Variants in EPHA5 observed in about 807,000 individuals in gnomAD.
EPHA5 encodes the protein ephrin type-A receptor 5.
A neutral mutation model predicts 105.0 loss-of-function variants in EPHA5; 60 were observed. The observed-to-expected ratio is 0.57, with a 90% CI of 0.46 to 0.71. The LOEUF is 0.71. EPHA5 is among the 30% of genes least tolerant of loss of function. EPHA5 has a pLI of 0.00. For missense variants in EPHA5, 1,218 were observed against 1,274.7 expected, an observed-to-expected ratio of 0.96 and a Z score of 0.68; for synonymous variants, 513 against 449.1, an observed-to-expected ratio of 1.14 and a Z score of -1.80.
rs139438703 is a variant in EPHA5 at position 65,370,408 on chromosome 4, T to G, written c.1794-2984A>C. Reference sequence around the variant, plus strand: ...TATTCTAAATACAATTGTGTAAAATTATCCAGAGATTTATGTTATTTAAAT... The same window carrying G: ...TATTCTAAATACAATTGTGTAAAATGATCCAGAGATTTATGTTATTTAAAT... On this transcript the variant is annotated intron_variant, in intron 8 of 16. Coordinates refer to ENST00000613740, the MANE Select transcript of EPHA5 (RefSeq NM_001281766.3). Among the ~76,000 whole-genome samples, 402 of 152,292 alleles carry G rather than the reference T, an allele frequency of 2.6e-3. 3 individuals are homozygous for G. Among genetic ancestry groups the G allele is most frequent in the African/African-American group, 8.8e-3 (366 of 41,578 alleles).
At chr4:65,652,098 C>T (rs367930839) in intron 1 of EPHA5, among the ~76,000 whole-genome samples, 1 of 152,208 alleles carries the variant, frequency 6.6e-6, no homozygotes, top group African/African-American at 2.4e-5. Context: ...ATATAAGAAG[C>T]TTGAAAATCT....
At chr4:65,660,333 A>G (rs1332164912) in intron 1 of EPHA5, among the ~76,000 whole-genome samples, 2 of 152,182 alleles carry the variant, frequency 1.3e-5, no homozygotes, top group African/African-American at 4.8e-5. Context: ...GAAAATCAAG[A>G]TAATGTCATG....
intron 5 of EPHA5, among the ~76,000 whole-genome samples, chr4:65,455,431 C>A (rs1727488408): frequency 6.6e-6 from 1 of 152,044 alleles, no homozygotes; most frequent in African/African-American, 2.4e-5. Flanking sequence ...CTCTCTAGTT[C>A]TTGAGAATAC....
intron 8 of EPHA5, among the ~76,000 whole-genome samples, chr4:65,394,919 T>C (rs1366999758): frequency 6.6e-6 from 1 of 152,136 alleles, no homozygotes; most frequent in African/African-American, 2.4e-5. Context: ...CACCTACCCT[T>C]CATGAATATA....
intron 5 of EPHA5, among the ~76,000 whole-genome samples, chr4:65,464,207 A>AC: frequency 6.6e-6 from 1 of 152,004 alleles, no homozygotes; most frequent in East Asian, 1.9e-4. Flanking sequence ...ATTTGAATTG[A>AC]CCCTCAATTT....
At chr4:65,592,331 C>A (rs949991464) in intron 3 of EPHA5, among the ~76,000 whole-genome samples, 2 of 152,038 alleles carry the variant, frequency 1.3e-5, no homozygotes, top group Non-Finnish European at 2.9e-5. Context: ...AGAGCATATC[C>A]TTGGCGGCCC....
intron 3 of EPHA5, among the ~76,000 whole-genome samples, chr4:65,597,280 C>T (rs975430633): frequency 6.6e-6 from 1 of 152,146 alleles, no homozygotes. Flanking sequence ...CTTCATTCCA[C>T]TAGCAACTGA....
Position 65,331,379 on chromosome 4 carries a change from C to T in EPHA5, c.2945+594G>A, listed in dbSNP as rs115890620. ...AAGGTTTGATAAATTTTATCTTAAACGTGCAAACAGAAAAGGGCACAATTG... is the reference window on the plus strand; with the variant it reads ...AAGGTTTGATAAATTTTATCTTAAATGTGCAAACAGAAAAGGGCACAATTG... On this transcript the variant is annotated intron_variant, in intron 16 of 16. Coordinates refer to ENST00000613740, the MANE Select transcript of EPHA5 (RefSeq NM_001281766.3). 2.1e-3 allele frequency: 2,234 copies of T among 1,041,540 alleles called. 50 individuals carry two copies. The African/African-American group carries it at 0.033, about 15-fold the overall frequency. The allele number at this position is 1,041,540 out of a possible 1,614,324, so 64.5% of individuals were successfully genotyped here.
chr4:65,469,734 G>A (rs1038705003), intron 5 of EPHA5, among the ~76,000 whole-genome samples: 1 of 152,018 alleles, frequency 6.6e-6, no homozygotes, highest in East Asian at 1.9e-4. Flanking sequence ...TAAAATTTAG[G>A]ACAATTTGGC....
At chr4:65,432,606 C>T (rs1376370289) in intron 5 of EPHA5, among the ~76,000 whole-genome samples, 3 of 152,020 alleles carry the variant, frequency 2.0e-5, no homozygotes, top group East Asian at 3.9e-4. Flanking sequence ...CTTACTCTGT[C>T]ACCCAGTCTT....
At chr4:65,669,270 G>A (rs1750239317) in intron 1 of EPHA5, among the ~76,000 whole-genome samples, 2 of 151,506 alleles carry the variant, frequency 1.3e-5, no homozygotes, top group African/African-American at 4.9e-5. Context: ...ATTCCCCAAA[G>A]GAGGCCTCGA....
At chr4:65,474,330 C>G (rs1357718748) in intron 5 of EPHA5, among the ~76,000 whole-genome samples, 6 of 152,050 alleles carry the variant, frequency 3.9e-5, no homozygotes, top group Admixed American at 3.9e-4. Context: ...AAAAAATAAA[C>G]ACAAGCTCTA....
Position 65,322,989 on chromosome 4 carries a change from GCCTGCA to G in EPHA5, c.*1119_*1124del. On this transcript the variant is annotated 3_prime_UTR_variant, in exon 17 of 17. Transcript: ENST00000613740. The stretch of plus-strand genomic sequence containing the variant: ...CCTGGATTTAACAACATTAACAGAA[GCCTGCA>G]CAGTTAAATCCTTCTACATCCTGCT... 1 of 229,306 alleles carries G rather than the reference GCCTGCA, an allele frequency of 4.4e-6. No individual in the cohort carries two copies. The highest frequency in any genetic ancestry group is 1.8e-4 in the South Asian group (1 of 5,502). 14.2% of individuals were successfully genotyped at this position (229,306 alleles called of 1,614,324 possible).
At chr4:65,668,911 A>G (rs13120604) in intron 1 of EPHA5, among the ~76,000 whole-genome samples, 8,264 of 151,696 alleles carry the variant, frequency 0.054, 306 homozygotes, top group South Asian at 0.096. Flanking sequence ...GAGTGTGACA[A>G]TGAACTCCCC....
chr4:65,666,634 A>G (rs1181088364), intron 1 of EPHA5, among the ~76,000 whole-genome samples: 1 of 152,198 alleles, frequency 6.6e-6, no homozygotes, highest in Non-Finnish European at 1.5e-5. Context: ...AAAGTTTTGA[A>G]TATTATACTG....
At chr4:65,402,163 C>T (rs968674296) in intron 8 of EPHA5, among the ~76,000 whole-genome samples, 33 of 152,072 alleles carry the variant, frequency 2.2e-4, no homozygotes, top group African/African-American at 8.0e-4. Context: ...ACTTCTCCTT[C>T]CTGTTGCCTT....
intron 11 of EPHA5, among the ~76,000 whole-genome samples, chr4:65,360,414 A>G (rs1577913149): frequency 6.6e-6 from 1 of 151,770 alleles, no homozygotes; most frequent in South Asian, 2.1e-4. Context: ...GGTTATATTC[A>G]CTGTTTAAGA....
At position 65,669,922 on chromosome 4, in the gene EPHA5, G is replaced by T; in HGVS notation, c.-180C>A. Reference sequence around the variant, plus strand: ...GATCCGGCTGAGACAGCTGAAGTTTGCTTCTGGCTCCTCTCGCCTCCCCCT... The same window carrying T: ...GATCCGGCTGAGACAGCTGAAGTTTTCTTCTGGCTCCTCTCGCCTCCCCCT... On this transcript the variant is annotated 5_prime_UTR_variant, in exon 1 of 17. Transcript: ENST00000613740. 1 of 971,056 alleles carries T rather than the reference G, an allele frequency of 1.0e-6. No homozygotes were observed. Among genetic ancestry groups the T allele is most frequent in the African/African-American group, 1.7e-5 (1 of 59,424 alleles). 60.2% of individuals were successfully genotyped at this position (971,056 alleles called of 1,614,324 possible).
chr4:65,616,076 A>C (rs1745210024), intron 2 of EPHA5, among the ~76,000 whole-genome samples: 1 of 151,954 alleles, frequency 6.6e-6, no homozygotes, highest in African/African-American at 2.4e-5. Context: ...ACTGTAGTAC[A>C]TTATATATCA....
Sources: allele counts gnomAD v4.1 joint callset (sites outside exome capture counted in the v4.1 genomes callset), GRCh38; gene constraint gnomAD v4.1.1; transcripts MANE v1.5; gene names NCBI Gene and HGNC (gene_info 2026-07-23, HGNC 2026-07-21).